The following CSMD1 variants were observed in gnomAD, a reference collection of about 807,000 sequenced individuals.
The protein encoded by CSMD1 is CUB and sushi domain-containing protein 1.
Under a neutral mutation model 417.5 loss-of-function variants are expected in CSMD1, and 213 were observed. The ratio of observed to expected loss-of-function variants is 0.51; its 90% CI spans 0.46 to 0.57. The LOEUF is 0.57. Among genes scored for constraint, CSMD1 ranks in the 20% least tolerant of loss-of-function variants. The pLI is 0.00. For synonymous variants in CSMD1, 2,862 were observed against 1,736.8 expected (o/e 1.65, Z -16.11); for missense variants, 6,923 against 4,529.7 (o/e 1.53, Z -15.17).
At chr8:2,976,328 C>G (rs1585080888) in intron 55 of CSMD1, among the ~76,000 whole-genome samples, 1 of 151,804 alleles carries the variant, frequency 6.6e-6, no homozygotes, top group Non-Finnish European at 1.5e-5. Context: ...TGTGGTAGAT[C>G]CGATTCATAA....
At chr8:4,083,880 A>C (rs1016417362) in intron 3 of CSMD1, among the ~76,000 whole-genome samples, 1 of 152,200 alleles carries the variant, frequency 6.6e-6, no homozygotes, top group African/African-American at 2.4e-5. Flanking sequence ...ACAGCAAAAG[A>C]AACTACCACC....
chr8:3,589,595 G>C (rs991818199), intron 8 of CSMD1, among the ~76,000 whole-genome samples: 8 of 152,130 alleles, frequency 5.3e-5, no homozygotes, highest in Non-Finnish European at 8.8e-5. Flanking sequence ...CCCAGTAGCA[G>C]AGTGTGGGTA....
At chr8:3,554,702 G>A (rs1040224988) in intron 10 of CSMD1, among the ~76,000 whole-genome samples, 1 of 152,168 alleles carries the variant, frequency 6.6e-6, no homozygotes, top group African/African-American at 2.4e-5. Context: ...GCCTGGCTTT[G>A]TTAATCAGAA....
In CSMD1 at chr8:4,802,799, G is replaced by A. The variant is rs555166294; in HGVS notation, c.86-165241C>T. Among the ~76,000 whole-genome samples, 11 of 152,224 alleles carry A rather than the reference G, an allele frequency of 7.2e-5. No individual in the cohort carries two copies. In the East Asian group the frequency reaches 9.6e-4, roughly 13 times the overall value. On this transcript the variant is annotated intron_variant, in intron 1 of 69. Transcript: ENST00000635120. Reference sequence around the variant, plus strand: ...CTTCCTGACATAGAAAATCCGTGACGTCATAGGGAAGGACAGACTCCAATA... The same window carrying A: ...CTTCCTGACATAGAAAATCCGTGACATCATAGGGAAGGACAGACTCCAATA...
chr8:4,188,353 G>A (rs1176248366), intron 3 of CSMD1, among the ~76,000 whole-genome samples: 2 of 152,128 alleles, frequency 1.3e-5, no homozygotes, highest in East Asian at 1.9e-4. Flanking sequence ...GCAAACCGAG[G>A]TGCCTTCATT....
At chr8:3,584,620 T>C (rs894193669) in intron 9 of CSMD1, among the ~76,000 whole-genome samples, 1 of 152,312 alleles carries the variant, frequency 6.6e-6, no homozygotes, top group East Asian at 1.9e-4. Flanking sequence ...GGCAATGTCA[T>C]AGGTAAACAT....
At chr8:3,318,080 C>T (rs1001720624) in intron 23 of CSMD1, among the ~76,000 whole-genome samples, 3 of 152,202 alleles carry the variant, frequency 2.0e-5, no homozygotes, top group Non-Finnish European at 2.9e-5. Context: ...GGATTACAAG[C>T]GTGACCTATC....
chr8:3,052,382 G>A (rs1811875620), intron 50 of CSMD1, 80 bp downstream of exon 50: 33 of 1,102,218 alleles, frequency 3.0e-5, no homozygotes, highest in Admixed American at 5.4e-5. Flanking sequence ...ACCTCTGAAC[G>A]TGGGAACCCG....
intron 3 of CSMD1, among the ~76,000 whole-genome samples, chr8:4,386,282 C>A (rs190037934): frequency 1.3e-5 from 2 of 151,914 alleles, no homozygotes; most frequent in African/African-American, 2.4e-5. Context: ...GTTATGACTT[C>A]CATCCCACTC....
At chr8:3,522,355 G>A (rs1323693534) in intron 10 of CSMD1, among the ~76,000 whole-genome samples, 5 of 152,300 alleles carry the variant, frequency 3.3e-5, no homozygotes, top group Non-Finnish European at 2.9e-5. Context: ...AACATTTAAA[G>A]GAATGTATGT....
intron 4 of CSMD1, among the ~76,000 whole-genome samples, chr8:4,013,571 A>C (rs1228287656): frequency 1.3e-5 from 2 of 152,044 alleles, no homozygotes; most frequent in Admixed American, 6.5e-5. Context: ...GAACACTTAC[A>C]AACACTTATT....
At chr8:4,019,829 C>A (rs1033798132) in intron 4 of CSMD1, among the ~76,000 whole-genome samples, 3 of 151,554 alleles carry the variant, frequency 2.0e-5, no homozygotes, top group Non-Finnish European at 4.4e-5. Flanking sequence ...ACTAGGCACT[C>A]TTGTCCTTTT....
chr8:3,041,026 A>G (rs1811057189), intron 50 of CSMD1, among the ~76,000 whole-genome samples: 4 of 152,124 alleles, frequency 2.6e-5, no homozygotes, highest in African/African-American at 9.7e-5. Flanking sequence ...TTTTCTTCAT[A>G]TCGGTAAATA....
intron 7 of CSMD1, among the ~76,000 whole-genome samples, chr8:3,675,835 G>C (rs376461486): frequency 6.6e-6 from 1 of 152,266 alleles, no homozygotes; most frequent in East Asian, 1.9e-4. Flanking sequence ...TAAGCTGGTG[G>C]CATTTCCACC....
chr8:4,957,958 C>G (rs1279038351), intron 1 of CSMD1, among the ~76,000 whole-genome samples: 1 of 152,156 alleles, frequency 6.6e-6, no homozygotes, highest in Non-Finnish European at 1.5e-5. Flanking sequence ...CTGCTTTTCT[C>G]TCCTTAGTAA....
At chr8:3,956,901 T>A (rs1333140020) in intron 5 of CSMD1, among the ~76,000 whole-genome samples, 1 of 152,194 alleles carries the variant, frequency 6.6e-6, no homozygotes, top group Non-Finnish European at 1.5e-5. Flanking sequence ...TATCTCTGCA[T>A]TGTTGCAAAC....
intron 48 of CSMD1, among the ~76,000 whole-genome samples, chr8:3,087,507 T>C (rs982134369): frequency 2.6e-5 from 4 of 152,214 alleles, no homozygotes; most frequent in African/African-American, 9.6e-5. Context: ...TGAGTCAATG[T>C]GAAGCTAGGA....
chr8:4,045,501 A>T (rs1265374939), intron 3 of CSMD1, among the ~76,000 whole-genome samples: 1 of 152,206 alleles, frequency 6.6e-6, no homozygotes, highest in Non-Finnish European at 1.5e-5. Context: ...TTGGGGGAAG[A>T]CCAGATCCAG....
At chr8:4,306,907 T>C (rs1798279504) in intron 3 of CSMD1, among the ~76,000 whole-genome samples, 2 of 152,272 alleles carry the variant, frequency 1.3e-5, no homozygotes, top group East Asian at 1.9e-4. Context: ...GCTAAAAATA[T>C]ACTTCAAAAT....
Sources: gnomAD v4.1 joint callset for allele counts (sites outside exome capture counted in the v4.1 genomes callset) on GRCh38, gnomAD v4.1.1 for gene constraint, MANE v1.5 for transcripts, NCBI Gene and HGNC (gene_info 2026-07-23, HGNC 2026-07-21) for gene names.